ASGR2: variants seen among roughly 807,000 people sequenced by gnomAD.
ASGR2 encodes C-type lectin domain family 4 member H2.
In ASGR2, 34 loss-of-function variants were observed where a neutral mutation model predicts 32.3. That is an observed-to-expected ratio of 1.05 (90% CI 0.80 to 1.40). The LOEUF is 1.40. Among genes scored for constraint, ASGR2 ranks in the 40% most tolerant of loss-of-function variants. ASGR2 has a pLI of 0.00. For missense variants in ASGR2, 385 were observed against 386.4 expected (o/e 1.00, Z 0.03); for synonymous variants, 143 against 150.0 (o/e 0.95, Z 0.34).
At chr17:7,112,290 G>A (rs57088661) in intron 2 of ASGR2, among the ~76,000 whole-genome samples, 200 of 151,882 alleles carry the variant, frequency 1.3e-3, no homozygotes, top group African/African-American at 4.6e-3. Flanking sequence ...ATGGGCCCCG[G>A]TGAGCAGCTG....
rs914341522 is a variant in ASGR2 at position 7,113,682 on chromosome 17, TCA to T, written c.124+433_124+434del. On this transcript the variant is annotated intron_variant, in intron 2 of 8. Transcript: ENST00000691900. The surrounding 1 kb of genome is among the most constrained non-coding windows in gnomAD (Gnocchi z 5.1). ...CACACAAGATACACACAACATATACTCACACAACATACACACACAACACACTC... is the reference window on the plus strand; with the variant it reads ...CACACAAGATACACACAACATATACTCACAACATACACACACAACACACTC... 1.4e-5 allele frequency among the ~76,000 whole-genome samples: 2 copies of T among 147,476 alleles called. No individual in the cohort carries two copies. The highest frequency in any genetic ancestry group is 2.5e-5 in the African/African-American group (1 of 39,680).
intron 2 of ASGR2, among the ~76,000 whole-genome samples, chr17:7,111,888 T>G (rs1402514068): frequency 6.9e-6 from 1 of 145,610 alleles, no homozygotes; most frequent in Non-Finnish European, 1.5e-5. Context: ...AAAAAAAAAT[T>G]TTTAATTAGC....
At chr17:7,104,060 A>C (rs1913245522) in intron 7 of ASGR2, among the ~76,000 whole-genome samples, 1 of 152,084 alleles carries the variant, frequency 6.6e-6, no homozygotes, top group South Asian at 2.1e-4. Flanking sequence ...ACATACTAAA[A>C]AAAAAAGCCC....
At position 7,108,496 on chromosome 17, in the gene ASGR2, G is replaced by A. The variant is rs535278754; in HGVS notation, c.303C>T (p.Ser101=). 6.2e-7 allele frequency: 1 copy of A among 1,609,074 alleles called. No homozygotes were observed. The highest frequency in any genetic ancestry group is 2.2e-5 in the East Asian group (1 of 44,732). The stretch of plus-strand genomic sequence containing the variant: ...TGATTGCCTGGACCTCCGTCAGGGT[G>A]CTCGAGGAGAAGTTGCTGAAAGCTT... ...LKEAFSNFSS[S]TLTEVQAIST... is the part of the protein sequence containing the mutation. The change falls in exon 4 of 9, where the codon AGC becomes AGT. Residue 101 remains serine, a synonymous_variant. Transcript: ENST00000691900. This position sits in a 1 kb window ranked among gnomAD's most constrained non-coding sequence, Gnocchi z 4.9.
chr17:7,114,426 G>C lies in ASGR2; in HGVS notation c.-70-116C>G. On this transcript the variant is annotated intron_variant, in intron 1 of 8. Coordinates refer to ENST00000691900, the MANE Select transcript of ASGR2 (RefSeq NM_001201352.2). This position sits in a 1 kb window ranked among gnomAD's most constrained non-coding sequence, Gnocchi z 4.5. Reference sequence around the variant, plus strand: ...GAGGTTGGCAGGGCGTTTGGGATGAGGTTTGAAATCCCGCTGGGTCCTTTC... The same window carrying C: ...GAGGTTGGCAGGGCGTTTGGGATGACGTTTGAAATCCCGCTGGGTCCTTTC... 7.0e-7 allele frequency: 1 copy of C among 1,426,428 alleles called. No homozygotes were observed. The highest frequency in any genetic ancestry group is 9.1e-7 in the Non-Finnish European group (1 of 1,094,292). The allele number at this position is 1,426,428 out of a possible 1,614,324, so 88.4% of individuals were successfully genotyped here. A position where few individuals can be genotyped will look rare whatever the true frequency, so the allele number is the denominator to read the frequency against.
chr17:7,107,612 GCATA>G lies in ASGR2; in HGVS notation c.409+220_409+223del. On this transcript the variant is annotated intron_variant, in intron 5 of 8. Transcript: ENST00000691900. The surrounding 1 kb of genome is among the most constrained non-coding windows in gnomAD (Gnocchi z 5.0). ...TCATCTCACACACACCACCACACATGCATACACACACAACACACACATATACACC... is the reference window on the plus strand; with the variant it reads ...TCATCTCACACACACCACCACACATGCACACACAACACACACATATACACC... 1.5e-6 allele frequency: 1 copy of G among 662,220 alleles called. No homozygotes were observed. The highest frequency in any genetic ancestry group is 1.8e-5 in the South Asian group (1 of 56,032). The allele number at this position is 662,220 out of a possible 1,614,324, so 41.0% of individuals were successfully genotyped here. A position where few individuals can be genotyped will look rare whatever the true frequency, so the allele number is the denominator to read the frequency against.
chr17:7,107,743 G>A lies in ASGR2; in HGVS notation c.409+93C>T, dbSNP rs554109674. ...GGCACACACACGCACGCACGCACAC[G>A]TGCACACTACACACACCGCACACGT... On this transcript the variant is annotated intron_variant, in intron 5 of 8. Coordinates refer to ENST00000691900, the MANE Select transcript of ASGR2 (RefSeq NM_001201352.2). This position sits in a 1 kb window ranked among gnomAD's most constrained non-coding sequence, Gnocchi z 5.0. The A allele has an allele frequency of 1.9e-5, 27 of 1,409,590 alleles. 1 individual carries two copies. Among genetic ancestry groups the A allele is most frequent in the African/African-American group, 2.8e-5 (2 of 71,338 alleles). The allele number at this position is 1,409,590 out of a possible 1,614,324, so 87.3% of individuals were successfully genotyped here. A position where few individuals can be genotyped will look rare whatever the true frequency, so the allele number is the denominator to read the frequency against.
intron 7 of ASGR2, among the ~76,000 whole-genome samples, chr17:7,106,037 T>C (rs1913627700): frequency 6.6e-6 from 1 of 152,100 alleles, no homozygotes; most frequent in Admixed American, 6.5e-5. Context: ...TCCGCCCACC[T>C]CGGCCTCCCA....
rs370930540 is a variant in ASGR2 at position 7,107,806 on chromosome 17, C to T, written c.409+30G>A. 217 of 1,612,052 alleles carry T rather than the reference C, an allele frequency of 1.3e-4. No individual in the cohort carries two copies. The highest frequency in any genetic ancestry group is 7.2e-4 in the East Asian group (32 of 44,636). ...CACCGCACACGTACACATGCACGCA[C>T]ATGCGCACACACCCCGGAGGCTCTC... On this transcript the variant is annotated intron_variant, in intron 5 of 8. Transcript: ENST00000691900. This position sits in a 1 kb window ranked among gnomAD's most constrained non-coding sequence, Gnocchi z 5.0.
intron 7 of ASGR2, among the ~76,000 whole-genome samples, chr17:7,102,663 C>A (rs1017074095): frequency 2.6e-5 from 4 of 152,202 alleles, no homozygotes; most frequent in African/African-American, 9.7e-5. Flanking sequence ...CCTGCTCTTA[C>A]TGCCCCCCAG....
rs1176406548 is a variant in ASGR2, at chr17:7,101,341, C to A, written c.*234G>T. 4 of 497,474 alleles carry A rather than the reference C, an allele frequency of 8.0e-6. No homozygotes were observed. Among genetic ancestry groups the A allele is most frequent in the African/African-American group, 3.8e-5 (2 of 52,376 alleles). The allele number at this position is 497,474 out of a possible 1,614,324, so 30.8% of individuals were successfully genotyped here. A position where few individuals can be genotyped will look rare whatever the true frequency, so the allele number is the denominator to read the frequency against. On this transcript the variant is annotated 3_prime_UTR_variant, in exon 9 of 9. Transcript: ENST00000691900. ...CACACAGAGATTCAAGCATTTGTTT[C>A]TTCTTTCCTACGCCATTGAAGAGGC...
At chr17:7,111,500 CA>C (rs1233875802) in intron 2 of ASGR2, among the ~76,000 whole-genome samples, 1 of 151,740 alleles carries the variant, frequency 6.6e-6, no homozygotes, top group Non-Finnish European at 1.5e-5. Flanking sequence ...ACTAAAAATA[CA>C]AAAAATTAGC....
In ASGR2 at chr17:7,107,538, A is replaced by ACAAAT. The variant is rs1913935402; in HGVS notation, c.410-222_410-221insATTTG. ...ACAAACACACCAAGAGACACACCAC[A>ACAAAT]CACATCACATGCGTACACACACATA... On this transcript the variant is annotated intron_variant, in intron 5 of 8. Coordinates refer to ENST00000691900, the MANE Select transcript of ASGR2 (RefSeq NM_001201352.2). The surrounding 1 kb of genome is among the most constrained non-coding windows in gnomAD (Gnocchi z 5.0). The ACAAAT allele has an allele frequency of 3.1e-6, 2 of 635,592 alleles. No individual in the cohort carries two copies. The highest frequency in any genetic ancestry group is 3.7e-5 in the African/African-American group (2 of 54,446). The allele number at this position is 635,592 out of a possible 1,614,324, so 39.4% of individuals were successfully genotyped here.
Sources: allele counts gnomAD v4.1 joint callset (sites outside exome capture counted in the v4.1 genomes callset), GRCh38; gene constraint gnomAD v4.1.1; non-coding constraint Gnocchi (gnomAD v3.1); transcripts MANE v1.5; gene names NCBI Gene and HGNC (gene_info 2026-07-23, HGNC 2026-07-21).